Variants in PLPP1 observed in about 807,000 individuals in gnomAD.
PLPP1 encodes the protein phospholipid phosphatase 1.
A neutral mutation model predicts 31.2 loss-of-function variants in PLPP1; 24 were observed. That is an observed-to-expected ratio of 0.77 (90% confidence interval 0.56 to 1.08). The LOEUF (loss-of-function observed/expected upper bound fraction) is 1.08, where lower values mean the gene tolerates loss of function less well. Among genes scored for constraint, PLPP1 ranks in the 50% least tolerant of loss-of-function variants. PLPP1 has a pLI of 0.00. For synonymous variants in PLPP1, 146 were observed against 126.3 expected, an observed-to-expected ratio of 1.16 and a Z score of -1.05; for missense variants, 319 against 342.7, an observed-to-expected ratio of 0.93 and a Z score of 0.55.
Position 55,521,559 on chromosome 5 carries a change from ACCTG to A in PLPP1, c.58+13009_58+13012del, listed in dbSNP as rs1243865650. Among the ~76,000 whole-genome samples the A allele has an allele frequency of 7.2e-5, 11 of 152,198 alleles. No individual in the cohort carries two copies. The East Asian group carries it at 2.1e-3, about 29-fold the overall frequency. On this transcript the variant is annotated intron_variant, in intron 1 of 5. Coordinates refer to ENST00000307259, the MANE Select transcript of PLPP1 (RefSeq NM_003711.4). ...AAAAAACAAAAAACTTGATTAAAATACCTGCCTATCTCACCTTCCAAAGCTCTGT... is the reference window on the plus strand; with the variant it reads ...AAAAAACAAAAAACTTGATTAAAATACCTATCTCACCTTCCAAAGCTCTGT...
chr5:55,514,220 G>C (rs974573226), intron 1 of PLPP1, among the ~76,000 whole-genome samples: 2 of 151,696 alleles, frequency 1.3e-5, no homozygotes, highest in Non-Finnish European at 2.9e-5. Flanking sequence ...CTCTACAAAA[G>C]AAACAAGTAT....
At chr5:55,493,523 A>C (rs1752941130) in intron 1 of PLPP1, among the ~76,000 whole-genome samples, 1 of 152,060 alleles carries the variant, frequency 6.6e-6, no homozygotes, top group African/African-American at 2.4e-5. Context: ...CGGGAGGATC[A>C]CTTGAGGCCA....
intron 3 of PLPP1, 72 bp from the exon 4 acceptor site, chr5:55,441,980 G>C: frequency 6.9e-7 from 1 of 1,447,294 alleles, no homozygotes. Flanking sequence ...TCATAAATCT[G>C]CTCCTTAGTT....
At chr5:55,491,774 C>T (rs1460945047) in intron 1 of PLPP1, among the ~76,000 whole-genome samples, 3 of 146,858 alleles carry the variant, frequency 2.0e-5, no homozygotes, top group African/African-American at 7.5e-5. Context: ...AGGAGAATCG[C>T]TTGAACCCAG....
chr5:55,481,725 G>C (rs1003902127), intron 1 of PLPP1, among the ~76,000 whole-genome samples: 1 of 152,162 alleles, frequency 6.6e-6, no homozygotes, highest in East Asian at 1.9e-4. Context: ...ATGTAGGCTA[G>C]AAGCCTGAAG....
In PLPP1 at chr5:55,506,010, T is replaced by C. The variant is rs182133606; in HGVS notation, c.58+28562A>G. 1.3e-3 allele frequency among the ~76,000 whole-genome samples: 197 copies of C among 152,246 alleles called. 2 individuals carry two copies. The Middle Eastern group carries it at 0.024, about 18-fold the overall frequency. ...AGGCAGAGGTTGCAGGGAGCTGAGA[T>C]CACGCCACTGCACTCCAGCGTAGGC... On this transcript the variant is annotated intron_variant, in intron 1 of 5. Coordinates refer to ENST00000307259, the MANE Select transcript of PLPP1 (RefSeq NM_003711.4).
chr5:55,528,787 T>G (rs1740559214), intron 1 of PLPP1, among the ~76,000 whole-genome samples: 1 of 152,216 alleles, frequency 6.6e-6, no homozygotes, highest in Non-Finnish European at 1.5e-5. Context: ...GAGATTCTCT[T>G]TTATGTTCTT....
At chr5:55,504,361 A>G (rs1221810498) in intron 1 of PLPP1, among the ~76,000 whole-genome samples, 3 of 3,922 alleles carry the variant, frequency 7.6e-4, no homozygotes, top group African/African-American at 1.4e-3. Flanking sequence ...ACTCTGTATC[A>G]AAAAAAAAAA....
intron 1 of PLPP1, among the ~76,000 whole-genome samples, chr5:55,505,230 G>T (rs1428074348): frequency 6.6e-6 from 1 of 151,982 alleles, no homozygotes; most frequent in African/African-American, 2.4e-5. Context: ...TGGCTATCAT[G>T]CAGAACTAAA....
intron 4 of PLPP1, among the ~76,000 whole-genome samples, chr5:55,436,590 C>T (rs1254837102): frequency 6.6e-6 from 1 of 152,186 alleles, no homozygotes; most frequent in Non-Finnish European, 1.5e-5. Flanking sequence ...TAAACCAACA[C>T]TCCAAAACGT....
intron 1 of PLPP1, among the ~76,000 whole-genome samples, chr5:55,529,826 G>A (rs1380374473): frequency 6.6e-6 from 1 of 152,062 alleles, no homozygotes; most frequent in Non-Finnish European, 1.5e-5. Context: ...AAGTAAATGG[G>A]AGGAATGTAC....
intron 1 of PLPP1, among the ~76,000 whole-genome samples, chr5:55,484,120 A>T (rs1323568523): frequency 1.3e-5 from 2 of 152,202 alleles, no homozygotes; most frequent in African/African-American, 4.8e-5. Context: ...AGGACAGGAC[A>T]TGCCCAGTCT....
intron 1 of PLPP1, among the ~76,000 whole-genome samples, chr5:55,517,513 TCATGAAA>T: frequency 6.6e-6 from 1 of 152,252 alleles, no homozygotes; most frequent in South Asian, 2.1e-4. Context: ...TCATCCTTAA[TCATGAAA>T]CATGTGAGGA....
At chr5:55,434,724 CAGA>C (rs1199218441) in intron 4 of PLPP1, among the ~76,000 whole-genome samples, 1 of 151,978 alleles carries the variant, frequency 6.6e-6, no homozygotes, top group Non-Finnish European at 1.5e-5. Context: ...TATCCATATG[CAGA>C]AGAATGAAAT....
chr5:55,477,295 G>C (rs919109604), intron 1 of PLPP1, among the ~76,000 whole-genome samples: 11 of 152,092 alleles, frequency 7.2e-5, no homozygotes, highest in African/African-American at 2.7e-4. Context: ...GCTGCCCCAT[G>C]CAGTAACTAA....
At chr5:55,425,637 C>T (rs891697356) in intron 5 of PLPP1, 1 of 466,344 alleles carries the variant, frequency 2.1e-6, no homozygotes, top group African/African-American at 2.0e-5. Flanking sequence ...CTAGCCAGAG[C>T]CTTTCACAAT....
At chr5:55,485,939 A>T (rs995710154) in intron 1 of PLPP1, among the ~76,000 whole-genome samples, 1 of 152,144 alleles carries the variant, frequency 6.6e-6, no homozygotes, top group African/African-American at 2.4e-5. Flanking sequence ...CTAATTCTCT[A>T]TATGAAACTT....
At chr5:55,487,864 C>G (rs563782080) in intron 1 of PLPP1, among the ~76,000 whole-genome samples, 3 of 152,274 alleles carry the variant, frequency 2.0e-5, no homozygotes, top group African/African-American at 7.2e-5. Flanking sequence ...CGTGGTGGCT[C>G]ACGCCTGTAA....
At chr5:55,532,888 G>A (rs1236940642) in intron 1 of PLPP1, among the ~76,000 whole-genome samples, 2 of 151,334 alleles carry the variant, frequency 1.3e-5, no homozygotes, top group East Asian at 1.9e-4. Context: ...CCCGGGAAGC[G>A]GAGGTTGCAG....
Sources: gnomAD v4.1 joint callset for allele counts (sites outside exome capture counted in the v4.1 genomes callset) on GRCh38, gnomAD v4.1.1 for gene constraint, MANE v1.5 for transcripts, NCBI Gene and HGNC (gene_info 2026-07-23, HGNC 2026-07-21) for gene names.